Variants in PM20D1 observed in about 807,000 individuals in gnomAD.
PM20D1 encodes peptidase M20 domain containing 1.
Under a neutral mutation model 53.8 loss-of-function variants are expected in PM20D1, and 53 were observed. That is an observed-to-expected ratio of 0.98 (90% CI 0.79 to 1.24). PM20D1 has a LOEUF of 1.24. PM20D1 is among the 50% of genes most tolerant of loss of function. The pLI, the probability that PM20D1 is intolerant of heterozygous loss-of-function variation, is 0.00. For synonymous variants in PM20D1, 239 were observed against 241.3 expected, an observed-to-expected ratio of 0.99 and a Z score of 0.09; for missense variants, 564 against 616.8, an observed-to-expected ratio of 0.91 and a Z score of 0.91.
chr1:205,828,393 T>C lies in PM20D1; in HGVS notation c.*227A>G, dbSNP rs1019764275. 2.0e-6 allele frequency: 1 copy of C among 502,080 alleles called. No homozygotes were observed. The highest frequency in any genetic ancestry group is 1.9e-5 in the African/African-American group (1 of 51,522). 31.1% of individuals were successfully genotyped at this position (502,080 alleles called of 1,614,324 possible). A position where few individuals can be genotyped will look rare whatever the true frequency, so the allele number is the denominator to read the frequency against. ...AGATAAGGGACAAGAGGGCAGCAAA[T>C]GCCAGTGGATCAAGGGATGCAGATG... On this transcript the variant is annotated 3_prime_UTR_variant, in exon 13 of 13. Transcript: ENST00000367136.
In PM20D1 at chr1:205,845,468, T is replaced by G; in HGVS notation, c.346A>C (p.Ser116Arg). 6.2e-7 allele frequency: 1 copy of G among 1,614,176 alleles called. No individual in the cohort carries two copies. The highest frequency in any genetic ancestry group is 8.5e-7 in the Non-Finnish European group (1 of 1,180,016). ...GCCATCAGCAGGTAGGGCTGCAAGC[T>G]GGGGTCCGAGCCTTGGATAGTGAAC... The part of the protein sequence containing the change: ...HLFTIQGSDP[S>R]LQPYLLMAHF... The change falls in exon 3 of 13, where the codon AGC (serine) becomes CGC (arginine). Residue 116 changes from serine (S) to arginine (R), a missense_variant. Coordinates refer to ENST00000367136, the MANE Select transcript of PM20D1 (RefSeq NM_152491.5).
chr1:205,842,095 C>T, intron 8 of PM20D1, 59 bp downstream of exon 8: 1 of 1,520,132 alleles, frequency 6.6e-7, no homozygotes, highest in South Asian at 1.1e-5. Context: ...AGGAGAGGGG[C>T]CTGGGGGGTG....
chr1:205,830,213 G>C (rs1656526591), intron 12 of PM20D1, 67 bp downstream of exon 12: 3 of 1,214,424 alleles, frequency 2.5e-6, no homozygotes, highest in Non-Finnish European at 2.4e-6. Flanking sequence ...AGGAGCATGG[G>C]GTAGGAAAAG....
chr1:205,845,664 G>T, intron 2 of PM20D1, 107 bp from the exon 3 acceptor site: 2 of 907,954 alleles, frequency 2.2e-6, no homozygotes, highest in Non-Finnish European at 1.6e-6. Flanking sequence ...TTTTAAACAT[G>T]CATCCTCCTT....
chr1:205,841,903 A>G lies in PM20D1; in HGVS notation c.966-14T>C. ...CTCTCCATAAACCTAAAACAAAAGGACCAAGGTCAGATGTTAGAAAGAACC... is the reference window on the plus strand; with the variant it reads ...CTCTCCATAAACCTAAAACAAAAGGGCCAAGGTCAGATGTTAGAAAGAACC... On this transcript the variant is annotated splice_polypyrimidine_tract_variant and intron_variant, in intron 8 of 12. Coordinates refer to ENST00000367136, the MANE Select transcript of PM20D1 (RefSeq NM_152491.5). The G allele has an allele frequency of 6.4e-7, 1 of 1,553,758 alleles. No individual in the cohort carries two copies. Among genetic ancestry groups the G allele is most frequent in the Admixed American group, 1.9e-5 (1 of 51,548 alleles).
rs960151284 is a variant in PM20D1, at chr1:205,849,772, G to C, written c.169+132C>G. The C allele has an allele frequency of 2.6e-6, 3 of 1,169,606 alleles. No homozygotes were observed. In the African/African-American group the frequency reaches 4.6e-5, roughly 18 times the overall value. The allele number at this position is 1,169,606 out of a possible 1,614,324, so 72.5% of individuals were successfully genotyped here. A position where few individuals can be genotyped will look rare whatever the true frequency, so the allele number is the denominator to read the frequency against. On this transcript the variant is annotated intron_variant, in intron 1 of 12. Coordinates refer to ENST00000367136, the MANE Select transcript of PM20D1 (RefSeq NM_152491.5). The stretch of plus-strand genomic sequence containing the variant: ...ATGTGCTGGGAAGGGTGTTGGGGCC[G>C]GGCTGGGGTGCGTGTCGGGGCTCCA...
chr1:205,830,372 A>G lies in PM20D1; in HGVS notation c.1293T>C (p.Ser431=). The change falls in exon 12 of 13, where the codon TCT becomes TCC. Residue 431 remains serine (S), a synonymous_variant. Coordinates refer to ENST00000367136, the MANE Select transcript of PM20D1 (RefSeq NM_152491.5). Reference sequence around the variant, plus strand: ...AGAATCGGCTGTCTGTGTTGCCAATAGAAGTAACTAGAGAGGGAAGATCAA... The same window carrying G: ...AGAATCGGCTGTCTGTGTTGCCAATGGAAGTAACTAGAGAGGGAAGATCAA... ...PEVNITAPVT[S]IGNTDSRFFT... is the part of the protein sequence containing the mutation. 2 of 1,602,436 alleles carry G rather than the reference A, an allele frequency of 1.2e-6. No individual in the cohort carries two copies. The highest frequency in any genetic ancestry group is 1.7e-6 in the Non-Finnish European group (2 of 1,169,320).
intron 4 of PM20D1, 111 bp downstream of exon 4, chr1:205,844,700 C>T: frequency 1.1e-6 from 1 of 939,716 alleles, no homozygotes; most frequent in South Asian, 1.7e-5. Context: ...AGTTGGCAAA[C>T]TACCGTATCA....
chr1:205,843,205 C>T (rs1350704947), intron 6 of PM20D1, among the ~76,000 whole-genome samples: 10 of 152,204 alleles, frequency 6.6e-5, no homozygotes, highest in Non-Finnish European at 1.5e-4. Context: ...ATTTCGACAG[C>T]TCTACCAGTC....
intron 10 of PM20D1, among the ~76,000 whole-genome samples, chr1:205,833,409 G>T (rs944876156): frequency 4.9e-4 from 74 of 152,314 alleles, no homozygotes; most frequent in African/African-American, 1.7e-3. Context: ...TAATAAAAGG[G>T]TCACACACTT....
chr1:205,836,064 C>T (rs548344191), intron 10 of PM20D1, among the ~76,000 whole-genome samples: 148 of 152,072 alleles, frequency 9.7e-4, no homozygotes, highest in Non-Finnish European at 1.6e-3. Flanking sequence ...TTAGTGGAGA[C>T]GGGGTTTCAC....
In PM20D1 at chr1:205,845,528, T is replaced by C. The variant is rs758778934; in HGVS notation, c.286A>G (p.Ile96Val). The change falls in exon 3 of 13, where the codon ATC (isoleucine) becomes GTC (valine). Residue 96 changes from isoleucine (I) to valine (V), a missense_variant. Transcript: ENST00000367136. ...VFPTVVSTSF[I>V]QHEVVEEYSH... ...TACTCTTCCACGACTTCATGCTGGA[T>C]AAAGCTGGTGCTGACCACTGTAGGA... 6.2e-7 allele frequency: 1 copy of C among 1,614,028 alleles called. No individual in the cohort carries two copies. Among genetic ancestry groups the C allele is most frequent in the African/African-American group, 1.3e-5 (1 of 74,904 alleles).
At chr1:205,843,409 C>G (rs776508524) in intron 6 of PM20D1, among the ~76,000 whole-genome samples, 2 of 152,180 alleles carry the variant, frequency 1.3e-5, no homozygotes, top group South Asian at 4.1e-4. Context: ...AATTCTCACT[C>G]CATTTGAGAT....
chr1:205,843,023 A>C (rs1271059061), intron 6 of PM20D1, among the ~76,000 whole-genome samples: 1 of 152,116 alleles, frequency 6.6e-6, no homozygotes, highest in African/African-American at 2.4e-5. Flanking sequence ...AGCCCATCCC[A>C]TACTACAGCA....
intron 9 of PM20D1, among the ~76,000 whole-genome samples, chr1:205,841,585 G>C (rs1028059520): frequency 2.0e-5 from 3 of 152,168 alleles, no homozygotes; most frequent in African/African-American, 7.2e-5. Context: ...AGGTCACATT[G>C]TACTCTAGGT....
chr1:205,843,639 C>A, intron 6 of PM20D1, 28 bp downstream of exon 6: 1 of 1,602,036 alleles, frequency 6.2e-7, no homozygotes. Context: ...TCAAGTCTGG[C>A]ATGGGAACAG....
chr1:205,830,021 T>G (rs940633898), intron 12 of PM20D1: 13 of 381,668 alleles, frequency 3.4e-5, no homozygotes, highest in African/African-American at 2.6e-4. Context: ...GGGTACCGAT[T>G]CCACCAGGTT....
intron 9 of PM20D1, among the ~76,000 whole-genome samples, chr1:205,841,184 G>A (rs1024531087): frequency 2.6e-5 from 4 of 152,148 alleles, no homozygotes; most frequent in African/African-American, 9.7e-5. Context: ...AGGAATCCAG[G>A]ACTAACTGGA....
At position 205,843,667 on chromosome 1, in the gene PM20D1, C is replaced by T. The variant is rs200000811; in HGVS notation, c.827G>A (p.Arg276Gln). The change falls in exon 6 of 13, where the codon CGA (arginine) becomes CAA (glutamine). Residue 276 changes from arginine (R) to glutamine (Q), a missense_variant and splice_region_variant. By Grantham distance (43) the Arg-to-Gln change is conservative. Transcript: ENST00000367136. Reference protein sequence around the residue: ...SIGILAAAVSRLEQTPMPIIF... With the variant: ...SIGILAAAVSQLEQTPMPIIF... The stretch of plus-strand genomic sequence containing the variant: ...GGGAACAGGGCCAGGAGTTGCTTAC[C>T]GGCTGACAGCAGCTGCAAGGATGCC... The T allele has an allele frequency of 1.6e-4, 261 of 1,613,046 alleles. No homozygotes were observed. In the East Asian group the frequency reaches 4.9e-3, roughly 30 times the overall value.
Sources: allele counts gnomAD v4.1 joint callset (sites outside exome capture counted in the v4.1 genomes callset), GRCh38; gene constraint gnomAD v4.1.1; transcripts MANE v1.5; gene names NCBI Gene and HGNC (gene_info 2026-07-23, HGNC 2026-07-21).